The following DLGAP1 variants were observed in gnomAD, a reference collection of about 807,000 sequenced individuals.
DLGAP1 encodes the protein disks large-associated protein 1.
In DLGAP1, 11 loss-of-function variants were observed where a neutral mutation model predicts 90.8. The observed-to-expected ratio is 0.12, with a 90% CI of 0.08 to 0.20. The LOEUF is 0.20. Ranked by LOEUF, DLGAP1 falls within the 10% of genes least tolerant of loss-of-function variation. The pLI, the probability that DLGAP1 is intolerant of heterozygous loss-of-function variation, is 1.00. For missense variants in DLGAP1, 1,050 were observed against 1,333.8 expected (o/e 0.79, Z 3.31); for synonymous variants, 558 against 540.7 (o/e 1.03, Z -0.44).
intron 1 of DLGAP1, among the ~76,000 whole-genome samples, chr18:4,338,619 T>A (rs1045616677): frequency 2.0e-5 from 3 of 152,272 alleles, no homozygotes; most frequent in African/African-American, 4.8e-5. Flanking sequence ...GAGTTCACGA[T>A]GAAAAGGTAA....
At chr18:4,426,951 T>C (rs1043113728) in intron 1 of DLGAP1, among the ~76,000 whole-genome samples, 2 of 152,198 alleles carry the variant, frequency 1.3e-5, no homozygotes, top group African/African-American at 4.8e-5. Flanking sequence ...AGATCAACTA[T>C]TGAGATATAA....
At chr18:3,915,856 A>G (rs1478010639) in intron 3 of DLGAP1, among the ~76,000 whole-genome samples, 1 of 151,882 alleles carries the variant, frequency 6.6e-6, no homozygotes, top group African/African-American at 2.4e-5. Context: ...TACTGCTTTT[A>G]GGAAAGAATA....
At chr18:4,346,729 G>A (rs973421038) in intron 1 of DLGAP1, among the ~76,000 whole-genome samples, 1 of 152,146 alleles carries the variant, frequency 6.6e-6, no homozygotes, top group Non-Finnish European at 1.5e-5. Flanking sequence ...ACCATCGTTT[G>A]TGATACAATA....
intron 2 of DLGAP1, among the ~76,000 whole-genome samples, chr18:4,099,254 G>A (rs1410988221): frequency 4.1e-5 from 6 of 144,642 alleles, no homozygotes; most frequent in Middle Eastern, 3.5e-3. Flanking sequence ...CTGTCTGTCT[G>A]TCTGTCTGTC....
At chr18:4,393,233 G>A (rs116440241) in intron 1 of DLGAP1, among the ~76,000 whole-genome samples, 1,973 of 152,102 alleles carry the variant, frequency 0.013, 58 homozygotes, top group African/African-American at 0.045. Flanking sequence ...TCTCCTTACC[G>A]CAGCCTATGA....
chr18:4,308,525 A>AT (rs1283226721), intron 1 of DLGAP1, among the ~76,000 whole-genome samples: 1 of 152,224 alleles, frequency 6.6e-6, no homozygotes, highest in East Asian at 1.9e-4. Context: ...GGAAAGAATT[A>AT]TTTTTGTACC....
intron 3 of DLGAP1, among the ~76,000 whole-genome samples, chr18:3,885,901 T>C (rs887383705): frequency 6.6e-6 from 1 of 152,204 alleles, no homozygotes; most frequent in South Asian, 2.1e-4. Flanking sequence ...AATCCAGCAC[T>C]GTAAAGGAAA....
intron 7 of DLGAP1, among the ~76,000 whole-genome samples, chr18:3,590,341 T>C (rs2056161340): frequency 6.6e-6 from 1 of 152,228 alleles, no homozygotes; most frequent in African/African-American, 2.4e-5. Context: ...CACTTTTCAC[T>C]GTTAGCTTGA....
At chr18:4,230,386 C>A (rs1472250412) in intron 1 of DLGAP1, among the ~76,000 whole-genome samples, 3 of 152,040 alleles carry the variant, frequency 2.0e-5, no homozygotes, top group African/African-American at 7.2e-5. Context: ...TTGGAAACAA[C>A]CTCAGTGTCC....
chr18:4,061,491 G>C (rs2075298196), intron 2 of DLGAP1, among the ~76,000 whole-genome samples: 1 of 152,066 alleles, frequency 6.6e-6, no homozygotes, highest in Non-Finnish European at 1.5e-5. Flanking sequence ...TGAGATCACT[G>C]TTCTGCTCTT....
At chr18:3,871,276 G>A (rs2070732990) in intron 4 of DLGAP1, among the ~76,000 whole-genome samples, 1 of 152,144 alleles carries the variant, frequency 6.6e-6, no homozygotes, top group Admixed American at 6.5e-5. Context: ...ATTATTAGAT[G>A]AAAAATAGAT....
intron 5 of DLGAP1, among the ~76,000 whole-genome samples, chr18:3,749,865 T>C (rs968766271): frequency 6.6e-6 from 1 of 152,198 alleles, no homozygotes; most frequent in African/African-American, 2.4e-5. Flanking sequence ...TCCAGAAATT[T>C]ATCCTGTCTC....
At chr18:3,596,453 C>T in intron 7 of DLGAP1, 1 of 214,614 alleles carries the variant, frequency 4.7e-6, no homozygotes, top group Non-Finnish European at 9.3e-6. Context: ...AACCACCAAG[C>T]CCGGCCTGAC....
intron 1 of DLGAP1, chr18:4,293,963 T>C (rs894001036): frequency 6.6e-6 from 1 of 152,204 alleles, no homozygotes; most frequent in African/African-American, 2.4e-5. Context: ...TCTACTTCTT[T>C]CTCCCATCTC....
intron 2 of DLGAP1, among the ~76,000 whole-genome samples, chr18:4,112,952 T>TA (rs1392097785): frequency 6.6e-6 from 1 of 152,100 alleles, no homozygotes; most frequent in Non-Finnish European, 1.5e-5. Context: ...TTCTTTTTTT[T>TA]ATAGCTATGT....
chr18:3,807,371 G>C (rs1426691891), intron 5 of DLGAP1, among the ~76,000 whole-genome samples: 2 of 151,980 alleles, frequency 1.3e-5, no homozygotes, highest in Admixed American at 1.3e-4. Flanking sequence ...ATCTTTTCTG[G>C]TTTCAACACC....
chr18:3,892,439 T>G (rs1307261509), intron 3 of DLGAP1, among the ~76,000 whole-genome samples: 1 of 152,180 alleles, frequency 6.6e-6, no homozygotes, highest in East Asian at 1.9e-4. Context: ...ACTCTGTGTT[T>G]CATGCTCTCT....
chr18:3,667,033 C>T (rs1458146352), intron 7 of DLGAP1, among the ~76,000 whole-genome samples: 3 of 151,704 alleles, frequency 2.0e-5, no homozygotes, highest in African/African-American at 7.3e-5. Context: ...CTTCCCAAAG[C>T]TCTGGGATTA....
intron 2 of DLGAP1, among the ~76,000 whole-genome samples, chr18:4,080,910 T>A (rs1277214668): frequency 1.3e-5 from 2 of 150,070 alleles, no homozygotes; most frequent in African/African-American, 4.9e-5. Context: ...TTTTTTGAGA[T>A]GAAGTTTTGC....
Sources: gnomAD v4.1 joint callset for allele counts (sites outside exome capture counted in the v4.1 genomes callset) on GRCh38, gnomAD v4.1.1 for gene constraint, MANE v1.5 for transcripts, NCBI Gene and HGNC (gene_info 2026-07-23, HGNC 2026-07-21) for gene names.